Variants in UPF2 observed in about 807,000 individuals in gnomAD.
The protein encoded by UPF2 is regulator of nonsense transcripts 2.
UPF2 carries 17 observed loss-of-function variants against 141.4 expected under a neutral mutation model. The ratio of observed to expected loss-of-function variants is 0.12; its 90% CI spans 0.08 to 0.18. The LOEUF (loss-of-function observed/expected upper bound fraction) is 0.18, where lower values mean the gene tolerates loss of function less well. Among genes scored for constraint, UPF2 ranks in the 10% least tolerant of loss-of-function variants. UPF2 has a pLI of 1.00. For synonymous variants in UPF2, 540 were observed against 498.0 expected, an observed-to-expected ratio of 1.08 and a Z score of -1.12; for missense variants, 1,152 against 1,515.9, an observed-to-expected ratio of 0.76 and a Z score of 3.99.
rs989254055 is a variant in UPF2 at position 11,921,193 on chromosome 10, G to A, written c.*105C>T. The A allele has an allele frequency of 1.3e-6, 2 of 1,512,828 alleles. No homozygotes were observed. The highest frequency in any genetic ancestry group is 1.8e-6 in the Non-Finnish European group (2 of 1,087,918). The allele number at this position is 1,512,828 out of a possible 1,614,324, so 93.7% of individuals were successfully genotyped here. ...CCAGGTTTAGATTCGCAACTCTCTAGACCGACCTGCTGAGATGTGTCCACT... is the reference window on the plus strand; with the variant it reads ...CCAGGTTTAGATTCGCAACTCTCTAAACCGACCTGCTGAGATGTGTCCACT... On this transcript the variant is annotated 3_prime_UTR_variant, in exon 22 of 22. Coordinates refer to ENST00000357604, the MANE Select transcript of UPF2 (RefSeq NM_015542.4). The surrounding 1 kb of genome is among the most constrained non-coding windows in gnomAD (Gnocchi z 5.9).
intron 14 of UPF2, among the ~76,000 whole-genome samples, chr10:11,954,306 A>G (rs1225710319): frequency 6.6e-6 from 1 of 151,934 alleles, no homozygotes; most frequent in Non-Finnish European, 1.5e-5. Flanking sequence ...AAAATAACAC[A>G]TTTTCCTCAA....
rs1832780772 is a variant in UPF2 at position 11,931,441 on chromosome 10, T to C, written c.3688+200A>G. 6.6e-6 allele frequency among the ~76,000 whole-genome samples: 1 copy of C among 152,240 alleles called. No individual in the cohort carries two copies. Among genetic ancestry groups the C allele is most frequent in the Admixed American group, 6.5e-5 (1 of 15,282 alleles). ...GCAAACGTAGCTTAGCAGTTTATAC[T>C]CTAATTTAATTAGAGCAAAATATGG... On this transcript the variant is annotated intron_variant, in intron 20 of 21. Coordinates refer to ENST00000357604, the MANE Select transcript of UPF2 (RefSeq NM_015542.4). This position sits in a 1 kb window ranked among gnomAD's most constrained non-coding sequence, Gnocchi z 5.9.
At chr10:12,017,906 C>T (rs1015193072) in intron 3 of UPF2, among the ~76,000 whole-genome samples, 1 of 152,130 alleles carries the variant, frequency 6.6e-6, no homozygotes, top group African/African-American at 2.4e-5. Context: ...CTCCAACCCC[C>T]AGATTTTTTC....
chr10:12,039,916 T>TG (rs1176881640), intron 1 of UPF2, among the ~76,000 whole-genome samples: 7 of 152,110 alleles, frequency 4.6e-5, no homozygotes, highest in African/African-American at 1.7e-4. Flanking sequence ...CCACTGTGGC[T>TG]GGCAGCATGT....
At chr10:11,957,403 T>G (rs1833169878) in intron 12 of UPF2, among the ~76,000 whole-genome samples, 1 of 151,684 alleles carries the variant, frequency 6.6e-6, no homozygotes, top group African/African-American at 2.4e-5. Context: ...CACTCCAGCC[T>G]GGGTGACAGA....
chr10:12,021,793 G>A (rs1401833265), intron 3 of UPF2, among the ~76,000 whole-genome samples: 1 of 152,098 alleles, frequency 6.6e-6, no homozygotes, highest in African/African-American at 2.4e-5. Flanking sequence ...AAACTGCTGG[G>A]TTTTATATCT....
intron 1 of UPF2, among the ~76,000 whole-genome samples, chr10:12,036,743 C>T (rs1056223592): frequency 1.3e-5 from 2 of 152,270 alleles, no homozygotes; most frequent in East Asian, 1.9e-4. Context: ...AATCAAAATT[C>T]GGCCAAGCAC....
At chr10:11,962,681 C>T (rs1833259117) in intron 11 of UPF2, among the ~76,000 whole-genome samples, 1 of 152,158 alleles carries the variant, frequency 6.6e-6, no homozygotes, top group South Asian at 2.1e-4. Flanking sequence ...TCCACCCTAC[C>T]TGCTTAATTA....
chr10:11,956,287 C>T lies in UPF2; in HGVS notation c.2574+33G>A. On this transcript the variant is annotated intron_variant, in intron 13 of 21. Coordinates refer to ENST00000357604, the MANE Select transcript of UPF2 (RefSeq NM_015542.4). This position sits in a 1 kb window ranked among gnomAD's most constrained non-coding sequence, Gnocchi z 4.2. ...GAAATAATAAATTCTCCACGAATTCCAGTTGTGTGACATTAAAGGAAGTCT... is the reference window on the plus strand; with the variant it reads ...GAAATAATAAATTCTCCACGAATTCTAGTTGTGTGACATTAAAGGAAGTCT... The T allele has an allele frequency of 6.3e-7, 1 of 1,589,618 alleles. No individual in the cohort carries two copies. Among genetic ancestry groups the T allele is most frequent in the African/African-American group, 1.3e-5 (1 of 74,466 alleles).
At position 11,936,509 on chromosome 10, in the gene UPF2, C is replaced by A. The variant is rs377616190; in HGVS notation, c.3546+36G>T. 1 of 1,553,302 alleles carries A rather than the reference C, an allele frequency of 6.4e-7. No individual in the cohort carries two copies. The highest frequency in any genetic ancestry group is 1.3e-5 in the South Asian group (1 of 78,704). ...AGTTAAAACCTAACTGTATAACTCA[C>A]AATCAGCTATAATTACAGGGCGGGC... On this transcript the variant is annotated intron_variant, in intron 19 of 21. Transcript: ENST00000357604. The surrounding 1 kb of genome is among the most constrained non-coding windows in gnomAD (Gnocchi z 6.6).
In UPF2 at chr10:11,980,322, C is replaced by G. The variant is rs1336831304; in HGVS notation, c.1845-1157G>C. Among the ~76,000 whole-genome samples the G allele has an allele frequency of 6.6e-6, 1 of 152,184 alleles. No individual in the cohort carries two copies. The highest frequency in any genetic ancestry group is 1.5e-5 in the Non-Finnish European group (1 of 68,042). On this transcript the variant is annotated intron_variant, in intron 8 of 21. Coordinates refer to ENST00000357604, the MANE Select transcript of UPF2 (RefSeq NM_015542.4). This position sits in a 1 kb window ranked among gnomAD's most constrained non-coding sequence, Gnocchi z 4.2. ...TGAGCAACTGATAAAAGCAGCTTAACTGACAGCAGCAAATAATGGAGCTGA... is the reference window on the plus strand; with the variant it reads ...TGAGCAACTGATAAAAGCAGCTTAAGTGACAGCAGCAAATAATGGAGCTGA...
chr10:11,960,632 C>T (rs965790140), intron 11 of UPF2, among the ~76,000 whole-genome samples: 2 of 151,568 alleles, frequency 1.3e-5, no homozygotes, highest in African/African-American at 4.9e-5. Context: ...CGGTAGTATG[C>T]GCTGTCATCC....
chr10:11,956,095 G>A lies in UPF2; in HGVS notation c.2574+225C>T, dbSNP rs568312060. On this transcript the variant is annotated intron_variant, in intron 13 of 21. Coordinates refer to ENST00000357604, the MANE Select transcript of UPF2 (RefSeq NM_015542.4). This position sits in a 1 kb window ranked among gnomAD's most constrained non-coding sequence, Gnocchi z 4.2. Reference sequence around the variant, plus strand: ...CCAGGAGGAAGAGGTTGCAGCGAGCGGAGATCGTGCCAGTGCACTCCAGCC... The same window carrying A: ...CCAGGAGGAAGAGGTTGCAGCGAGCAGAGATCGTGCCAGTGCACTCCAGCC... Among the ~76,000 whole-genome samples the A allele has an allele frequency of 7.7e-4, 116 of 151,516 alleles. No individual in the cohort carries two copies. Among genetic ancestry groups the A allele is most frequent in the African/African-American group, 3.1e-4 (13 of 41,288 alleles).
At chr10:12,015,291 TAC>T (rs1834198391) in intron 3 of UPF2, among the ~76,000 whole-genome samples, 1 of 152,226 alleles carries the variant, frequency 6.6e-6, no homozygotes, top group Non-Finnish European at 1.5e-5. Flanking sequence ...TTCTAAAAGT[TAC>T]AGAGAAAAAG....
At chr10:11,924,171 C>T (rs1381713466) in intron 21 of UPF2, among the ~76,000 whole-genome samples, 1 of 152,174 alleles carries the variant, frequency 6.6e-6, no homozygotes, top group African/African-American at 2.4e-5. Flanking sequence ...GCAAATGCCT[C>T]TTATTTGTTA....
At chr10:11,966,746 T>C (rs974807025) in intron 10 of UPF2, among the ~76,000 whole-genome samples, 19 of 152,348 alleles carry the variant, frequency 1.2e-4, no homozygotes, top group African/African-American at 3.1e-4. Flanking sequence ...TAATACTTCA[T>C]GGCTTTGTCA....
chr10:11,999,578 T>C (rs1209765590), intron 7 of UPF2, among the ~76,000 whole-genome samples: 1 of 151,810 alleles, frequency 6.6e-6, no homozygotes, highest in Non-Finnish European at 1.5e-5. Flanking sequence ...AAAAGAATTT[T>C]TGACCTCACA....
At chr10:12,021,798 A>G (rs751851195) in intron 3 of UPF2, among the ~76,000 whole-genome samples, 10 of 152,290 alleles carry the variant, frequency 6.6e-5, no homozygotes, top group Non-Finnish European at 7.4e-5. Context: ...GCTGGGTTTT[A>G]TATCTCCTCC....
At position 11,939,832 on chromosome 10, in the gene UPF2, G is replaced by A. The variant is rs12265381; in HGVS notation, c.3378+2833C>T. Among the ~76,000 whole-genome samples, 32,401 of 151,954 alleles carry A rather than the reference G, an allele frequency of 0.21. 3,790 individuals carry two copies. The highest frequency in any genetic ancestry group is 0.46 in the East Asian group (2,393 of 5,170). ...GTGCCCAGCCATGTTTTCATATCTTGTAGAGCATTTCACTCATTTCCTGAA... is the reference window on the plus strand; with the variant it reads ...GTGCCCAGCCATGTTTTCATATCTTATAGAGCATTTCACTCATTTCCTGAA... On this transcript the variant is annotated intron_variant, in intron 18 of 21. Transcript: ENST00000357604. The surrounding 1 kb of genome is among the most constrained non-coding windows in gnomAD (Gnocchi z 4.8).
Sources: gnomAD v4.1 joint callset for allele counts (sites outside exome capture counted in the v4.1 genomes callset) on GRCh38, gnomAD v4.1.1 for gene constraint, Gnocchi (gnomAD v3.1) non-coding constraint, MANE v1.5 for transcripts, NCBI Gene and HGNC (gene_info 2026-07-23, HGNC 2026-07-21) for gene names.